The following TTC28 variants were observed in gnomAD, a reference collection of about 807,000 sequenced individuals.
TTC28 encodes the protein tetratricopeptide repeat domain 28.
A neutral mutation model predicts 198.0 loss-of-function variants in TTC28; 61 were observed. That is an observed-to-expected ratio of 0.31 (90% CI 0.25 to 0.38). The LOEUF (loss-of-function observed/expected upper bound fraction) is 0.38, where lower values mean the gene tolerates loss of function less well. Ranked by LOEUF, TTC28 falls within the 10% of genes least tolerant of loss-of-function variation. The probability of loss-of-function intolerance (pLI) is 1.00; values close to 1 mark genes in which losing one functional copy is unlikely to be tolerated. For missense variants in TTC28, 2,678 were observed against 3,164.0 expected, an observed-to-expected ratio of 0.85 and a Z score of 3.69; for synonymous variants, 1,171 against 1,297.8, an observed-to-expected ratio of 0.90 and a Z score of 2.10.
At chr22:28,384,912 C>T (rs1310914524) in intron 2 of TTC28, among the ~76,000 whole-genome samples, 1 of 151,544 alleles carries the variant, frequency 6.6e-6, no homozygotes, top group African/African-American at 2.4e-5. Flanking sequence ...AGGCCGGGGA[C>T]GGGGGGGATC....
chr22:28,230,472 G>A (rs1028513834), intron 5 of TTC28, among the ~76,000 whole-genome samples: 1 of 151,918 alleles, frequency 6.6e-6, no homozygotes. Flanking sequence ...TCACATAGAG[G>A]GGAAGGGTCT....
intron 2 of TTC28, among the ~76,000 whole-genome samples, chr22:28,567,877 A>G (rs1366375030): frequency 6.6e-6 from 1 of 152,078 alleles, no homozygotes; most frequent in Non-Finnish European, 1.5e-5. Flanking sequence ...GCTCAATCCT[A>G]ATTAAACCCA....
chr22:28,406,278 T>C (rs760876266), intron 2 of TTC28, among the ~76,000 whole-genome samples: 14 of 152,274 alleles, frequency 9.2e-5, no homozygotes, highest in Non-Finnish European at 1.6e-4. Context: ...TTGTATTTGA[T>C]AGCAATAATC....
intron 2 of TTC28, among the ~76,000 whole-genome samples, chr22:28,421,208 A>C (rs1009473007): frequency 6.6e-6 from 1 of 152,300 alleles, no homozygotes; most frequent in Non-Finnish European, 1.5e-5. Flanking sequence ...AAGGAATCTA[A>C]TGTACAGTAC....
intron 12 of TTC28, among the ~76,000 whole-genome samples, chr22:28,093,718 TACAA>T (rs1391402183): frequency 2.6e-5 from 4 of 152,170 alleles, no homozygotes; most frequent in Non-Finnish European, 4.4e-5. Flanking sequence ...TCAGCTACAG[TACAA>T]ACAAACTCAT....
chr22:28,573,356 A>C (rs1442917757), intron 2 of TTC28, among the ~76,000 whole-genome samples: 2 of 151,808 alleles, frequency 1.3e-5, no homozygotes, highest in African/African-American at 4.8e-5. Context: ...GGGGAGGCTG[A>C]GGCAGGAGAA....
intron 2 of TTC28, among the ~76,000 whole-genome samples, chr22:28,400,736 C>T (rs1441810321): frequency 6.6e-6 from 1 of 152,156 alleles, no homozygotes; most frequent in African/African-American, 2.4e-5. Flanking sequence ...AATTTTGTGA[C>T]TTAATATGTA....
chr22:28,461,597 C>T (rs768493428), intron 2 of TTC28, among the ~76,000 whole-genome samples: 1 of 152,076 alleles, frequency 6.6e-6, no homozygotes, highest in East Asian at 1.9e-4. Flanking sequence ...CCACCAGGCC[C>T]AGCTAATTCT....
intron 2 of TTC28, among the ~76,000 whole-genome samples, chr22:28,377,828 A>C (rs2046434837): frequency 6.6e-6 from 1 of 152,228 alleles, no homozygotes; most frequent in Non-Finnish European, 1.5e-5. Context: ...CATGCAAATA[A>C]GGAAAATAAA....
At chr22:28,054,937 G>A (rs549557219) in intron 12 of TTC28, among the ~76,000 whole-genome samples, 1 of 152,304 alleles carries the variant, frequency 6.6e-6, no homozygotes, top group South Asian at 2.1e-4. Flanking sequence ...ATAGCTGAAA[G>A]AGCACCCACA....
chr22:27,990,781 G>T lies in TTC28; in HGVS notation c.5577+8C>A, dbSNP rs1357096394. On this transcript the variant is annotated splice_region_variant and intron_variant, in intron 20 of 22. Coordinates refer to ENST00000397906, the MANE Select transcript of TTC28 (RefSeq NM_001145418.2). ...CTGACAACAGTTGCTACTTAAAGTAGTACTCACCATTCCAACCATATTTTT... is the reference window on the plus strand; with the variant it reads ...CTGACAACAGTTGCTACTTAAAGTATTACTCACCATTCCAACCATATTTTT... 3 of 1,550,366 alleles carry T rather than the reference G, an allele frequency of 1.9e-6. No individual in the cohort carries two copies. Among genetic ancestry groups the T allele is most frequent in the Non-Finnish European group, 2.6e-6 (3 of 1,146,808 alleles).
At chr22:28,122,653 A>G (rs993851634) in intron 6 of TTC28, among the ~76,000 whole-genome samples, 5 of 152,212 alleles carry the variant, frequency 3.3e-5, no homozygotes, top group African/African-American at 1.2e-4. Flanking sequence ...CATAAATATA[A>G]TAAGACCAGG....
chr22:28,011,567 A>G (rs1160224022), intron 14 of TTC28, among the ~76,000 whole-genome samples: 1 of 152,184 alleles, frequency 6.6e-6, no homozygotes, highest in Non-Finnish European at 1.5e-5. Flanking sequence ...ACTGCATTCA[A>G]GCCTGGGGAC....
chr22:28,343,507 G>A (rs1156546410), intron 2 of TTC28, among the ~76,000 whole-genome samples: 2 of 144,860 alleles, frequency 1.4e-5, no homozygotes, highest in Non-Finnish European at 3.0e-5. Context: ...TCCAGCCTGG[G>A]ACACAGAGTG....
chr22:28,655,313 T>C (rs1490820695), intron 1 of TTC28, among the ~76,000 whole-genome samples: 4 of 152,220 alleles, frequency 2.6e-5, no homozygotes, highest in African/African-American at 9.6e-5. Context: ...GTATTATCTA[T>C]CCATTTCATA....
chr22:28,430,036 A>ATTTTTTTTTTTTTTTTTTTTTTTTTTTTT, intron 2 of TTC28, among the ~76,000 whole-genome samples: 1 of 109,994 alleles, frequency 9.1e-6, no homozygotes, highest in Non-Finnish European at 1.8e-5. Flanking sequence ...CTGGAATATG[A>ATTTTTTTTTTTTTTTTTTTTTTTTTTTTT]TTTTTTTTTT....
chr22:28,549,152 C>G (rs576303977), intron 2 of TTC28, among the ~76,000 whole-genome samples: 1 of 152,136 alleles, frequency 6.6e-6, no homozygotes. Flanking sequence ...CCCAGCCTCC[C>G]GAGTAGCTGG....
chr22:28,419,686 G>T (rs775443836), intron 2 of TTC28, among the ~76,000 whole-genome samples: 3 of 152,142 alleles, frequency 2.0e-5, no homozygotes, highest in African/African-American at 7.2e-5. Context: ...AAACTAGAGC[G>T]CTCAATTATG....
At chr22:28,310,227 A>G (rs2145819706) in intron 2 of TTC28, among the ~76,000 whole-genome samples, 1 of 152,240 alleles carries the variant, frequency 6.6e-6, no homozygotes, top group African/African-American at 2.4e-5. Flanking sequence ...GGGAAAAAAT[A>G]TAAAAAGCTC....
Sources: gnomAD v4.1 joint callset for allele counts (sites outside exome capture counted in the v4.1 genomes callset) on GRCh38, gnomAD v4.1.1 for gene constraint, MANE v1.5 for transcripts, NCBI Gene and HGNC (gene_info 2026-07-23, HGNC 2026-07-21) for gene names.